Variants in MTURN observed in about 807,000 individuals in gnomAD.
MTURN encodes the protein maturin.
A neutral mutation model predicts 14.9 loss-of-function variants in MTURN; 7 were observed. The ratio of observed to expected loss-of-function variants is 0.47; its 90% CI spans 0.27 to 0.88. The LOEUF is 0.88. Among genes scored for constraint, MTURN ranks in the 40% least tolerant of loss-of-function variants. The pLI, the probability that MTURN is intolerant of heterozygous loss-of-function variation, is 0.14. For synonymous variants in MTURN, 69 were observed against 72.5 expected (o/e 0.95, Z 0.25); for missense variants, 151 against 174.1 (o/e 0.87, Z 0.75).
intron 1 of MTURN, among the ~76,000 whole-genome samples, chr7:30,145,013 A>ATC (rs66549024): frequency 0.06 from 8,698 of 145,452 alleles, 343 homozygotes; most frequent in Admixed American, 0.097. Context: ...TACCTGACAG[A>ATC]TACTCTGATG....
chr7:30,146,086 TAAG>T, intron 1 of MTURN, 88 bp from the exon 2 acceptor site: 1 of 1,600,280 alleles, frequency 6.2e-7, no homozygotes, highest in East Asian at 2.2e-5. Context: ...TTGATGTTAT[TAAG>T]AAAATCTGCT....
chr7:30,139,838 G>C (rs1797021395), intron 1 of MTURN, among the ~76,000 whole-genome samples: 1 of 152,244 alleles, frequency 6.6e-6, no homozygotes, highest in Non-Finnish European at 1.5e-5. Flanking sequence ...CTCTACCTGG[G>C]ACCCCTCTCT....
chr7:30,153,836 G>A (rs1433267315), intron 2 of MTURN, among the ~76,000 whole-genome samples: 2 of 152,036 alleles, frequency 1.3e-5, no homozygotes, highest in South Asian at 2.1e-4. Context: ...TCTCACCTCT[G>A]CCTCCCAAGT....
chr7:30,139,671 A>G (rs1282513533), intron 1 of MTURN, among the ~76,000 whole-genome samples: 1 of 152,220 alleles, frequency 6.6e-6, no homozygotes, highest in African/African-American at 2.4e-5. Context: ...ACCATGCAGA[A>G]CAGCCCACAG....
chr7:30,143,272 C>T (rs556058685), intron 1 of MTURN, among the ~76,000 whole-genome samples: 2 of 151,928 alleles, frequency 1.3e-5, no homozygotes, highest in African/African-American at 4.8e-5. Context: ...ATCTGTGTCC[C>T]GTCTGTAGTA....
At chr7:30,145,751 T>A in intron 1 of MTURN, 2 of 1,343,850 alleles carry the variant, frequency 1.5e-6, no homozygotes, top group Non-Finnish European at 2.0e-6. Flanking sequence ...AAGTTAATGC[T>A]TACAAACTAT....
In MTURN at chr7:30,161,456, A is replaced by C. The variant is rs1376584805; in HGVS notation, c.*3908A>C. 1 of 152,248 alleles carries C rather than the reference A, an allele frequency of 6.6e-6. No homozygotes were observed. The highest frequency in any genetic ancestry group is 1.5e-5 in the Non-Finnish European group (1 of 68,058). 9.4% of individuals were successfully genotyped at this position (152,248 alleles called of 1,614,324 possible). On this transcript the variant is annotated 3_prime_UTR_variant, in exon 3 of 3. Transcript: ENST00000324453. ...AAGGAGACCAACAGGAACCCTGCTCATCTGGTAGGGCTCTTTCCTTCAGTA... is the reference window on the plus strand; with the variant it reads ...AAGGAGACCAACAGGAACCCTGCTCCTCTGGTAGGGCTCTTTCCTTCAGTA...
chr7:30,136,840 A>G (rs555897519), intron 1 of MTURN, among the ~76,000 whole-genome samples: 1 of 152,276 alleles, frequency 6.6e-6, no homozygotes, highest in East Asian at 1.9e-4. Context: ...CATATAGGTA[A>G]CGCACCGAAT....
intron 1 of MTURN, among the ~76,000 whole-genome samples, chr7:30,143,315 T>A (rs1232143204): frequency 4.0e-5 from 6 of 151,788 alleles, no homozygotes; most frequent in African/African-American, 1.5e-4. Context: ...GCTCTGTTTG[T>A]CCTGGTCTCA....
At chr7:30,144,928 C>T (rs1243049430) in intron 1 of MTURN, among the ~76,000 whole-genome samples, 10 of 73,966 alleles carry the variant, frequency 1.4e-4, no homozygotes, top group Admixed American at 5.6e-4. Flanking sequence ...GACCTCAATA[C>T]TTTTTTTTTT....
At position 30,148,066 on chromosome 7, in the gene MTURN, A is replaced by G. The variant is rs556927525; in HGVS notation, c.285+1767A>G. Among the ~76,000 whole-genome samples, 97 of 152,344 alleles carry G rather than the reference A, an allele frequency of 6.4e-4. 1 individual carries two copies. The highest frequency in any genetic ancestry group is 2.3e-3 in the African/African-American group (95 of 41,576). On this transcript the variant is annotated intron_variant, in intron 2 of 2. Coordinates refer to ENST00000324453, the MANE Select transcript of MTURN (RefSeq NM_152793.3). ...GGGGAGACAGGATAGACAAGGACAC[A>G]CGTAATGTCGTGAAATGATGCTAGT...
chr7:30,145,886 A>T, intron 1 of MTURN: 2 of 1,551,692 alleles, frequency 1.3e-6, no homozygotes, highest in Non-Finnish European at 1.7e-6. Flanking sequence ...AGTGGAAATC[A>T]TTGGTGAGGA....
In MTURN at chr7:30,157,922, A is replaced by C. The variant is rs939143288; in HGVS notation, c.*374A>C. On this transcript the variant is annotated 3_prime_UTR_variant, in exon 3 of 3. Transcript: ENST00000324453. Reference sequence around the variant, plus strand: ...GATAGGTTTTGAGTCCTCACAGGTGACCTTACTGAGGGAAAGCATGGCAGA... The same window carrying C: ...GATAGGTTTTGAGTCCTCACAGGTGCCCTTACTGAGGGAAAGCATGGCAGA... The C allele has an allele frequency of 6.5e-6, 1 of 154,052 alleles. No homozygotes were observed. The highest frequency in any genetic ancestry group is 1.5e-5 in the Non-Finnish European group (1 of 68,934). The allele number at this position is 154,052 out of a possible 1,614,324, so 9.5% of individuals were successfully genotyped here.
chr7:30,142,207 C>T (rs1797062012), intron 1 of MTURN, among the ~76,000 whole-genome samples: 1 of 152,200 alleles, frequency 6.6e-6, no homozygotes, highest in Admixed American at 6.5e-5. Flanking sequence ...TTAAGCTGGG[C>T]AAGCTTTTAT....
At chr7:30,137,476 C>T in intron 1 of MTURN, 1 of 401,342 alleles carries the variant, frequency 2.5e-6, no homozygotes, top group South Asian at 1.9e-5. Context: ...TTGAGGCCAC[C>T]CAGATTTTAA....
chr7:30,144,609 C>T (rs764470457), intron 1 of MTURN, among the ~76,000 whole-genome samples: 1 of 152,218 alleles, frequency 6.6e-6, no homozygotes, highest in Non-Finnish European at 1.5e-5. Flanking sequence ...CTAGAGAAGT[C>T]TGCTGGCATG....
rs1797302295 is a variant in MTURN at position 30,157,321 on chromosome 7, A to G, written c.286-117A>G. On this transcript the variant is annotated intron_variant, in intron 2 of 2. Transcript: ENST00000324453. ...ATCATTGTAGGGGTGGTTGACGGGG[A>G]AGTCTGCAGCTGCTGGGTTAAGTAC... 5 of 661,430 alleles carry G rather than the reference A, an allele frequency of 7.6e-6. No individual in the cohort carries two copies. In the Admixed American group the frequency reaches 1.6e-4, roughly 21 times the overall value. 41.0% of individuals were successfully genotyped at this position (661,430 alleles called of 1,614,324 possible). A position where few individuals can be genotyped will look rare whatever the true frequency, so the allele number is the denominator to read the frequency against.
chr7:30,148,567 A>G (rs1422450167), intron 2 of MTURN, among the ~76,000 whole-genome samples: 2 of 152,222 alleles, frequency 1.3e-5, no homozygotes, highest in African/African-American at 4.8e-5. Context: ...GGTGAGAGAT[A>G]GTGGTGGCCT....
At chr7:30,137,606 A>T (rs1459435201) in intron 1 of MTURN, 1 of 471,038 alleles carries the variant, frequency 2.1e-6, no homozygotes, top group Non-Finnish European at 4.4e-6. Flanking sequence ...GTAGAATGGA[A>T]CTTTCTCCAA....
Sources: allele counts gnomAD v4.1 joint callset (sites outside exome capture counted in the v4.1 genomes callset), GRCh38; gene constraint gnomAD v4.1.1; transcripts MANE v1.5; gene names NCBI Gene and HGNC (gene_info 2026-07-23, HGNC 2026-07-21).